Variants in KCNN3 observed in about 807,000 individuals in gnomAD.
The protein encoded by KCNN3 is small conductance calcium-activated potassium channel protein 3.
In KCNN3, 16 loss-of-function variants were observed where a neutral mutation model predicts 62.9. The observed-to-expected ratio is 0.25, with a 90% CI of 0.17 to 0.39. The LOEUF (loss-of-function observed/expected upper bound fraction) is 0.39, where lower values mean the gene tolerates loss of function less well. Among genes scored for constraint, KCNN3 ranks in the 10% least tolerant of loss-of-function variants. The probability of loss-of-function intolerance (pLI) is 1.00; values close to 1 mark genes in which losing one functional copy is unlikely to be tolerated. For missense variants in KCNN3, 599 were observed against 949.4 expected, an observed-to-expected ratio of 0.63 and a Z score of 4.85; for synonymous variants, 370 against 389.2, an observed-to-expected ratio of 0.95 and a Z score of 0.58.
Position 154,704,448 on chromosome 1 carries a change from C to T in KCNN3, c.*3528G>A, listed in dbSNP as rs1411570776. Reference sequence around the variant, plus strand: ...ACTTCAATCTAAGGAGGAGTGAGCCCCTAGTCTGGTGTAATTTACCAACTA... The same window carrying T: ...ACTTCAATCTAAGGAGGAGTGAGCCTCTAGTCTGGTGTAATTTACCAACTA... On this transcript the variant is annotated 3_prime_UTR_variant, in exon 8 of 8. Transcript: ENST00000271915. 6.6e-6 allele frequency: 1 copy of T among 152,120 alleles called. No individual in the cohort carries two copies. Among genetic ancestry groups the T allele is most frequent in the Admixed American group, 6.5e-5 (1 of 15,278 alleles). 9.4% of individuals were successfully genotyped at this position (152,120 alleles called of 1,614,324 possible).
chr1:154,763,698 G>A (rs536394986), intron 3 of KCNN3, among the ~76,000 whole-genome samples: 1 of 152,294 alleles, frequency 6.6e-6, no homozygotes, highest in African/African-American at 2.4e-5. Flanking sequence ...CCACCAAAAA[G>A]TTGTCCTTTA....
rs1699884199 is a variant in KCNN3 at position 154,702,776 on chromosome 1, C to T, written c.*5200G>A. 1 of 127,564 alleles carries T rather than the reference C, an allele frequency of 7.8e-6. No homozygotes were observed. The highest frequency in any genetic ancestry group is 1.6e-5 in the Non-Finnish European group (1 of 61,610). The allele number at this position is 127,564 out of a possible 1,614,324, so 7.9% of individuals were successfully genotyped here. On this transcript the variant is annotated 3_prime_UTR_variant, in exon 8 of 8. Coordinates refer to ENST00000271915, the MANE Select transcript of KCNN3 (RefSeq NM_002249.6). ...ACTTTTTCTTTTTGGCTATAAATGT[C>T]AACATCTCTTTGGGATCCTAACTGC...
intron 2 of KCNN3, among the ~76,000 whole-genome samples, chr1:154,774,817 G>A (rs1240339745): frequency 6.6e-6 from 1 of 152,270 alleles, no homozygotes; most frequent in African/African-American, 2.4e-5. Context: ...TCAGGATGAA[G>A]GGTACCAGCA....
chr1:154,815,422 G>A (rs553107545), intron 2 of KCNN3, among the ~76,000 whole-genome samples: 26 of 152,166 alleles, frequency 1.7e-4, no homozygotes, highest in African/African-American at 5.5e-4. Flanking sequence ...TCATCTCCGC[G>A]TGAAACCTGC....
At position 154,704,368 on chromosome 1, in the gene KCNN3, T is replaced by C. The variant is rs994647294; in HGVS notation, c.*3608A>G. 6.6e-6 allele frequency: 1 copy of C among 152,258 alleles called. No individual in the cohort carries two copies. The highest frequency in any genetic ancestry group is 1.5e-5 in the Non-Finnish European group (1 of 68,044). 9.4% of individuals were successfully genotyped at this position (152,258 alleles called of 1,614,324 possible). Reference sequence around the variant, plus strand: ...TCATAGACACTTTATGACAATTTATTGATGATGATCATATATATGTGGCCT... The same window carrying C: ...TCATAGACACTTTATGACAATTTATCGATGATGATCATATATATGTGGCCT... On this transcript the variant is annotated 3_prime_UTR_variant, in exon 8 of 8. Coordinates refer to ENST00000271915, the MANE Select transcript of KCNN3 (RefSeq NM_002249.6).
intron 3 of KCNN3, among the ~76,000 whole-genome samples, chr1:154,769,722 G>T (rs909632988): frequency 2.0e-5 from 3 of 152,142 alleles, no homozygotes; most frequent in African/African-American, 7.2e-5. Flanking sequence ...AAAGGGCTAC[G>T]CAAATTCAAT....
chr1:154,765,261 G>A (rs942301371), intron 3 of KCNN3, among the ~76,000 whole-genome samples: 1 of 148,160 alleles, frequency 6.7e-6, no homozygotes, highest in African/African-American at 2.5e-5. Flanking sequence ...AATGTTTACT[G>A]TGCGTATATT....
At chr1:154,710,925 G>T (rs1184416199) in intron 7 of KCNN3, among the ~76,000 whole-genome samples, 1 of 152,198 alleles carries the variant, frequency 6.6e-6, no homozygotes, top group Admixed American at 6.5e-5. Flanking sequence ...CATTGTGGAA[G>T]TCAGTGTGGA....
At chr1:154,855,234 T>TAAAA in intron 1 of KCNN3, among the ~76,000 whole-genome samples, 1 of 151,692 alleles carries the variant, frequency 6.6e-6, no homozygotes, top group Middle Eastern at 3.4e-3. Flanking sequence ...AATAAATAAA[T>TAAAA]AAATAAATAA....
chr1:154,772,119 C>T lies in KCNN3; in HGVS notation c.1304G>A (p.Arg435His). Reference protein sequence around the residue: ...HSKLFTDASSRSIGALNKINF... With the variant: ...HSKLFTDASSHSIGALNKINF... ...GATCTTGTTGAGGGCCCCGATGCTG[C>T]GGGACGAGGCATCGGTGAAGAGCTT... The change falls in exon 3 of 8, where the codon CGC becomes CAC. Residue 435 changes from arginine (R) to histidine (H), a missense_variant. This residue lies in a region of KCNN3 where 288 missense variants were observed against 557.4 expected (regional missense o/e 0.52). Coordinates refer to ENST00000271915, the MANE Select transcript of KCNN3 (RefSeq NM_002249.6). The surrounding 1 kb of genome is among the most constrained non-coding windows in gnomAD (Gnocchi z 5.6). 6.2e-7 allele frequency: 1 copy of T among 1,614,198 alleles called. No individual in the cohort carries two copies. Among genetic ancestry groups the T allele is most frequent in the Non-Finnish European group, 8.5e-7 (1 of 1,180,042 alleles).
In KCNN3 at chr1:154,715,102, G is replaced by A. The variant is rs1278049953; in HGVS notation, c.1702-99C>T. On this transcript the variant is annotated intron_variant, in intron 5 of 7. Coordinates refer to ENST00000271915, the MANE Select transcript of KCNN3 (RefSeq NM_002249.6). ...GTCTACCTCATAAGGAAACGATTTT[G>A]CAATGATCTATTTTCTTAACCAAAA... 6 of 1,423,328 alleles carry A rather than the reference G, an allele frequency of 4.2e-6. No individual in the cohort carries two copies. In the Admixed American group the frequency reaches 1.0e-4, roughly 24 times the overall value. The allele number at this position is 1,423,328 out of a possible 1,614,324, so 88.2% of individuals were successfully genotyped here. A position where few individuals can be genotyped will look rare whatever the true frequency, so the allele number is the denominator to read the frequency against.
At chr1:154,761,612 G>A (rs1177910426) in intron 3 of KCNN3, among the ~76,000 whole-genome samples, 1 of 151,676 alleles carries the variant, frequency 6.6e-6, no homozygotes, top group Admixed American at 6.6e-5. Context: ...ATTACATCAT[G>A]AATATTTTCC....
intron 1 of KCNN3, among the ~76,000 whole-genome samples, chr1:154,837,303 GTTTT>G (rs1420713946): frequency 6.6e-6 from 1 of 151,912 alleles, no homozygotes; most frequent in African/African-American, 2.4e-5. Context: ...CATTTTTTGT[GTTTT>G]TCTTTTTTTT....
chr1:154,858,783 C>T (rs959418698), intron 1 of KCNN3, among the ~76,000 whole-genome samples: 4 of 150,090 alleles, frequency 2.7e-5, no homozygotes, highest in African/African-American at 9.8e-5. Flanking sequence ...GTTGCCCAGG[C>T]TGGTCTTGAG....
intron 1 of KCNN3, among the ~76,000 whole-genome samples, chr1:154,824,504 A>G (rs1651029348): frequency 1.3e-5 from 2 of 152,240 alleles, no homozygotes; most frequent in African/African-American, 4.8e-5. Flanking sequence ...ATTCAGGAAC[A>G]CTCAGACTGT....
chr1:154,745,329 C>G (rs1015121422), intron 3 of KCNN3, among the ~76,000 whole-genome samples: 2 of 152,210 alleles, frequency 1.3e-5, no homozygotes, highest in African/African-American at 2.4e-5. Flanking sequence ...TGCGACTTGC[C>G]GCCAAACAAC....
Position 154,702,700 on chromosome 1 carries a change from G to GATATATAT in KCNN3, c.*5268_*5275dup, listed in dbSNP as rs67091748. On this transcript the variant is annotated 3_prime_UTR_variant, in exon 8 of 8. Coordinates refer to ENST00000271915, the MANE Select transcript of KCNN3 (RefSeq NM_002249.6). Reference sequence around the variant, plus strand: ...ACGTTGGCTGCTTCGATCTGATTCAGATATATATATATATATATATATATA... The same window carrying GATATATAT: ...ACGTTGGCTGCTTCGATCTGATTCAGATATATATATATATATATATATATATATATATA... 8.8e-4 allele frequency: 38 copies of GATATATAT among 43,074 alleles called. No homozygotes were observed. Among genetic ancestry groups the GATATATAT allele is most frequent in the East Asian group, 1.7e-3 (1 of 598 alleles). The allele number at this position is 43,074 out of a possible 1,614,324, so 2.7% of individuals were successfully genotyped here.
intron 5 of KCNN3, among the ~76,000 whole-genome samples, chr1:154,724,448 G>A (rs904790153): frequency 1.1e-4 from 17 of 152,184 alleles, no homozygotes; most frequent in Admixed American, 7.2e-4. Context: ...TATGGAGGCC[G>A]AGACACGGGC....
chr1:154,767,514 T>C (rs1350533992), intron 3 of KCNN3, among the ~76,000 whole-genome samples: 1 of 152,204 alleles, frequency 6.6e-6, no homozygotes, highest in Non-Finnish European at 1.5e-5. Context: ...GAGATAAACA[T>C]ACAAAGGTGA....
Sources: gnomAD v4.1 joint callset for allele counts (sites outside exome capture counted in the v4.1 genomes callset) on GRCh38, gnomAD v4.1.1 for gene constraint, gnomAD v4.1.1 regional missense constraint, Gnocchi (gnomAD v3.1) non-coding constraint, MANE v1.5 for transcripts, NCBI Gene and HGNC (gene_info 2026-07-23, HGNC 2026-07-21) for gene names.